Variants in RC3H1 observed in about 807,000 individuals in gnomAD.
RC3H1 encodes ring finger and CCCH-type domains 1, also known as roquin-1.
In RC3H1, 50 loss-of-function variants were observed where a neutral mutation model predicts 138.2. That is an observed-to-expected ratio of 0.36 (90% CI 0.29 to 0.46). RC3H1 has a LOEUF of 0.46. Among genes scored for constraint, RC3H1 ranks in the 20% least tolerant of loss-of-function variants. The pLI, the probability that RC3H1 is intolerant of heterozygous loss-of-function variation, is 1.00. For missense variants in RC3H1, 1,031 were observed against 1,388.1 expected (o/e 0.74, Z 4.09); for synonymous variants, 462 against 489.1 (o/e 0.94, Z 0.73).
intron 1 of RC3H1, among the ~76,000 whole-genome samples, chr1:174,020,259 A>G (rs985818991): frequency 2.6e-5 from 4 of 152,222 alleles, no homozygotes; most frequent in African/African-American, 9.6e-5. Flanking sequence ...CAAAAAATCA[A>G]AACATCTCCA....
At position 173,993,008 on chromosome 1, in the gene RC3H1, G is replaced by A. The variant is rs1386339229; in HGVS notation, c.-23C>T. On this transcript the variant is annotated 5_prime_UTR_variant, in exon 2 of 20. Transcript: ENST00000367696. ...CATTGCTTCTGGAGTTACAATTCAC[G>A]AACACAAACACACACACAAATCTAA... 9.4e-6 allele frequency: 14 copies of A among 1,494,994 alleles called. No individual in the cohort carries two copies. Among genetic ancestry groups the A allele is most frequent in the Middle Eastern group, 1.7e-4 (1 of 5,824 alleles). The allele number at this position is 1,494,994 out of a possible 1,614,324, so 92.6% of individuals were successfully genotyped here. A position where few individuals can be genotyped will look rare whatever the true frequency, so the allele number is the denominator to read the frequency against.
Position 173,944,867 on chromosome 1 carries a change from A to G in RC3H1, c.2962-1252T>C, listed in dbSNP as rs1233006316. 2.0e-5 allele frequency among the ~76,000 whole-genome samples: 3 copies of G among 152,294 alleles called. No individual in the cohort carries two copies. The East Asian group carries it at 5.8e-4, about 29-fold the overall frequency. ...AAACAATCTCCTACTGGTCTTCCTA[A>G]AAAGAAAGTCTACTAAGAAAGTCTG... On this transcript the variant is annotated intron_variant, in intron 17 of 19. Coordinates refer to ENST00000367696, the MANE Select transcript of RC3H1 (RefSeq NM_172071.4).
chr1:173,994,221 G>A (rs896451118), intron 1 of RC3H1, among the ~76,000 whole-genome samples: 3 of 151,608 alleles, frequency 2.0e-5, no homozygotes, highest in Non-Finnish European at 4.4e-5. Flanking sequence ...GTGAAACCCC[G>A]TCTCTACCAA....
Position 173,988,061 on chromosome 1 carries a change from C to T in RC3H1, c.232-3442G>A, listed in dbSNP as rs1200049453. ...CTATCTTTAATCTTACACAATCTACCTTTCTCCTACACCCCTTTAGTGAAA... is the reference window on the plus strand; with the variant it reads ...CTATCTTTAATCTTACACAATCTACTTTTCTCCTACACCCCTTTAGTGAAA... On this transcript the variant is annotated intron_variant, in intron 2 of 19. Transcript: ENST00000367696. Among the ~76,000 whole-genome samples, 3 of 152,216 alleles carry T rather than the reference C, an allele frequency of 2.0e-5. No homozygotes were observed. The East Asian group carries it at 5.8e-4, about 29-fold the overall frequency.
chr1:174,015,150 T>G (rs1661836203), intron 1 of RC3H1, among the ~76,000 whole-genome samples: 1 of 152,088 alleles, frequency 6.6e-6, no homozygotes, highest in African/African-American at 2.4e-5. Context: ...AGAAAATAGA[T>G]AATCAAATTC....
chr1:173,961,966 T>A lies in RC3H1; in HGVS notation c.1961A>T (p.Gln654Leu), dbSNP rs1257014220. Reference sequence around the variant, plus strand: ...GTACTGCTGTGGCTGTGTGCCATACTGAGAGTTTACAACACGTTCTTGGAG... The same window carrying A: ...GTACTGCTGTGGCTGTGTGCCATACAGAGAGTTTACAACACGTTCTTGGAG... ...PYLQERVVNS[Q>L]YGTQPQQYPP... The change falls in exon 12 of 20, where the codon CAG becomes CTG. Residue 654 changes from glutamine to leucine, a missense_variant. By Grantham distance (113) the Gln-to-Leu change is moderately radical. This residue lies in a region of RC3H1 where 716 missense variants were observed against 837.9 expected (regional missense o/e 0.85). Transcript: ENST00000367696. The A allele has an allele frequency of 3.1e-6, 5 of 1,614,054 alleles. No individual in the cohort carries two copies. In the African/African-American group the frequency reaches 5.3e-5, roughly 17 times the overall value.
At chr1:173,956,130 CAAAAAA>C (rs552947734) in intron 13 of RC3H1, among the ~76,000 whole-genome samples, 1 of 86,376 alleles carries the variant, frequency 1.2e-5, no homozygotes, top group African/African-American at 3.5e-5. Flanking sequence ...GAGTCTGTCT[CAAAAAA>C]AAAAAAAAAG....
intron 2 of RC3H1, among the ~76,000 whole-genome samples, chr1:173,984,839 T>G (rs1321371220): frequency 6.6e-6 from 1 of 152,222 alleles, no homozygotes; most frequent in Non-Finnish European, 1.5e-5. Context: ...ACCATACAAC[T>G]GACTGGTTTA....
At chr1:173,973,844 T>C (rs1557937123) in intron 7 of RC3H1, among the ~76,000 whole-genome samples, 1 of 152,180 alleles carries the variant, frequency 6.6e-6, no homozygotes, top group African/African-American at 2.4e-5. Context: ...AAAGTAGTTT[T>C]TGGAACACTT....
At chr1:174,019,541 T>C (rs1661920690) in intron 1 of RC3H1, among the ~76,000 whole-genome samples, 1 of 152,218 alleles carries the variant, frequency 6.6e-6, no homozygotes, top group African/African-American at 2.4e-5. Context: ...AGCTTAAATA[T>C]TTTTATTCAT....
At chr1:173,941,757 C>T (rs897997555) in intron 18 of RC3H1, among the ~76,000 whole-genome samples, 2 of 152,078 alleles carry the variant, frequency 1.3e-5, no homozygotes, top group Non-Finnish European at 2.9e-5. Context: ...CATGGCGAAA[C>T]CCCGTCTCTA....
intron 7 of RC3H1, among the ~76,000 whole-genome samples, chr1:173,976,273 C>T (rs1227177347): frequency 2.0e-5 from 3 of 151,596 alleles, no homozygotes; most frequent in African/African-American, 4.8e-5. Context: ...CCTGTTTCTA[C>T]TAAAGATACT....
At chr1:173,951,546 A>AT (rs1200283387) in intron 14 of RC3H1, among the ~76,000 whole-genome samples, 42 of 148,292 alleles carry the variant, frequency 2.8e-4, no homozygotes, top group Non-Finnish European at 2.8e-4. Flanking sequence ...TGAAAAAAAA[A>AT]TTTTTTTTTT....
Position 173,937,011 on chromosome 1 carries a change from A to AT in RC3H1, c.*1709dup, listed in dbSNP as rs1658634138. The AT allele has an allele frequency of 1.3e-5, 2 of 150,280 alleles. No homozygotes were observed. The highest frequency in any genetic ancestry group is 5.0e-5 in the African/African-American group (2 of 40,376). The allele number at this position is 150,280 out of a possible 1,614,324, so 9.3% of individuals were successfully genotyped here. On this transcript the variant is annotated 3_prime_UTR_variant, in exon 20 of 20. Coordinates refer to ENST00000367696, the MANE Select transcript of RC3H1 (RefSeq NM_172071.4). ...AAGAAAGCTCGAATCCCAAGCCAATATGTGTATATCAAATCCTTGACCAGC... is the reference window on the plus strand; with the variant it reads ...AAGAAAGCTCGAATCCCAAGCCAATATTGTGTATATCAAATCCTTGACCAGC...
chr1:174,021,853 C>T (rs1039015918), intron 1 of RC3H1, among the ~76,000 whole-genome samples: 2 of 152,242 alleles, frequency 1.3e-5, no homozygotes, highest in Non-Finnish European at 2.9e-5. Flanking sequence ...GGCCTACCTA[C>T]CCCGACAGGC....
rs1660053843 is a variant in RC3H1, at chr1:173,965,110, T to C, written c.1345A>G (p.Met449Val). ...CTTCTCGGAACCAGGCGCTTATTCATTTTACGAAATCTATATAAAAAGCAT... is the reference window on the plus strand; with the variant it reads ...CTTCTCGGAACCAGGCGCTTATTCACTTTACGAAATCTATATAAAAAGCAT... ...SQEELEKFRK[M>V]NKRLVPRRPL... Residue 449 changes from methionine to valine, a missense_variant, in exon 10 of 20, where the codon ATG becomes GTG. Transcript: ENST00000367696. 1 of 1,608,058 alleles carries C rather than the reference T, an allele frequency of 6.2e-7. No homozygotes were observed. The highest frequency in any genetic ancestry group is 1.1e-5 in the South Asian group (1 of 90,118).
intron 13 of RC3H1, among the ~76,000 whole-genome samples, chr1:173,955,920 TAGG>T (rs1451756805): frequency 6.6e-6 from 1 of 151,716 alleles, no homozygotes; most frequent in Non-Finnish European, 1.5e-5. Flanking sequence ...CATCTGAGGT[TAGG>T]AGATCAAGAC....
Position 173,946,335 on chromosome 1 carries a change from A to G in RC3H1, c.2961+141T>C, listed in dbSNP as rs938751588. ...GTCCCAGAGCTAAATCCAGTATTGA[A>G]TTCTTTGAAGAATAGAAACCTATAC... On this transcript the variant is annotated intron_variant, in intron 17 of 19. Transcript: ENST00000367696. The G allele has an allele frequency of 1.8e-5, 11 of 604,076 alleles. No individual in the cohort carries two copies. The Admixed American group carries it at 2.8e-4, about 15-fold the overall frequency. The allele number at this position is 604,076 out of a possible 1,614,324, so 37.4% of individuals were successfully genotyped here. A position where few individuals can be genotyped will look rare whatever the true frequency, so the allele number is the denominator to read the frequency against.
intron 14 of RC3H1, among the ~76,000 whole-genome samples, chr1:173,951,322 T>TC (rs149177436): frequency 0.14 from 20,556 of 148,252 alleles, 1,514 homozygotes; most frequent in East Asian, 0.22. Flanking sequence ...TGAAACTCCA[T>TC]CCCCCCCCCA....
Sources: gnomAD v4.1 joint callset for allele counts (sites outside exome capture counted in the v4.1 genomes callset) on GRCh38, gnomAD v4.1.1 for gene constraint, gnomAD v4.1.1 regional missense constraint, MANE v1.5 for transcripts, NCBI Gene and HGNC (gene_info 2026-07-23, HGNC 2026-07-21) for gene names.